The following PLCE1 variants were observed in gnomAD, a reference collection of about 807,000 sequenced individuals.
PLCE1 encodes phospholipase C epsilon 1, also known as 1-phosphatidylinositol 4,5-bisphosphate phosphodiesterase epsilon-1.
A neutral mutation model predicts 242.8 loss-of-function variants in PLCE1; 119 were observed. The observed-to-expected ratio is 0.49, with a 90% CI of 0.42 to 0.57. The LOEUF is 0.57. Among genes scored for constraint, PLCE1 ranks in the 20% least tolerant of loss-of-function variants. The probability of loss-of-function intolerance (pLI) is 0.00; values close to 1 mark genes in which losing one functional copy is unlikely to be tolerated. For missense variants in PLCE1, 2,441 were observed against 2,788.8 expected (o/e 0.88, Z 2.81); for synonymous variants, 945 against 1,017.4 (o/e 0.93, Z 1.35).
intron 2 of PLCE1, among the ~76,000 whole-genome samples, chr10:94,124,560 T>C (rs2046388065): frequency 6.6e-6 from 1 of 152,182 alleles, no homozygotes; most frequent in Non-Finnish European, 1.5e-5. Flanking sequence ...ATTTGCCCAG[T>C]ATCACACAAT....
chr10:94,087,843 C>T (rs113816858), intron 2 of PLCE1, among the ~76,000 whole-genome samples: 8 of 152,222 alleles, frequency 5.3e-5, no homozygotes, highest in African/African-American at 1.9e-4. Flanking sequence ...TTTCATGTGA[C>T]GTTTGATACT....
chr10:94,104,023 G>A (rs1360122430), intron 2 of PLCE1: 2 of 152,180 alleles, frequency 1.3e-5, no homozygotes, highest in African/African-American at 2.4e-5. Context: ...GCTGATCCTT[G>A]TCTTGTCCAA....
intron 4 of PLCE1, among the ~76,000 whole-genome samples, chr10:94,208,043 C>T (rs139861173): frequency 6.6e-5 from 10 of 152,016 alleles, no homozygotes; most frequent in East Asian, 1.9e-4. Context: ...TGACTGATTC[C>T]GGTGGTATTT....
intron 4 of PLCE1, among the ~76,000 whole-genome samples, chr10:94,192,455 G>A (rs946838458): frequency 3.9e-5 from 6 of 152,134 alleles, no homozygotes; most frequent in African/African-American, 9.7e-5. Context: ...TTGGTTTTCT[G>A]TTCCTGCATT....
In PLCE1 at chr10:94,248,296, G is replaced by A. The variant is rs936860439; in HGVS notation, c.3096+1675G>A. The stretch of plus-strand genomic sequence containing the variant: ...GAACAAAGCCAGTTTTAGTTAACTC[G>A]TCTAAAATGGAAAACAAATACCTGA... On this transcript the variant is annotated intron_variant, in intron 8 of 32. Coordinates refer to ENST00000371380, the MANE Select transcript of PLCE1 (RefSeq NM_016341.4). Among the ~76,000 whole-genome samples the A allele has an allele frequency of 5.9e-5, 9 of 152,108 alleles. No individual in the cohort carries two copies. In the South Asian group the frequency reaches 8.3e-4, roughly 14 times the overall value.
chr10:94,262,740 C>A lies in PLCE1; in HGVS notation c.4053+8C>A. 1 of 1,585,532 alleles carries A rather than the reference C, an allele frequency of 6.3e-7. No individual in the cohort carries two copies. The highest frequency in any genetic ancestry group is 1.1e-5 in the South Asian group (1 of 90,512). Reference sequence around the variant, plus strand: ...ATCCTCAGCATCATCCAGGTTTGTGCCTGTTTTGTGTGTGCATGTGTGTGT... The same window carrying A: ...ATCCTCAGCATCATCCAGGTTTGTGACTGTTTTGTGTGTGCATGTGTGTGT... On this transcript the variant is annotated splice_region_variant and intron_variant, in intron 14 of 32. Coordinates refer to ENST00000371380, the MANE Select transcript of PLCE1 (RefSeq NM_016341.4).
intron 1 of PLCE1, among the ~76,000 whole-genome samples, chr10:94,012,253 G>A (rs1028506368): frequency 1.3e-5 from 2 of 151,882 alleles, no homozygotes; most frequent in African/African-American, 4.8e-5. Context: ...TGCAGCACAG[G>A]GAACTCTGGT....
chr10:94,257,819 T>A lies in PLCE1; in HGVS notation c.3555-981T>A, dbSNP rs374001291. On this transcript the variant is annotated intron_variant, in intron 11 of 32. Transcript: ENST00000371380. ...ATAGCATTAGGAGATATACCTAATGTAAAGGACGAGTTAATGGGTGCAGCA... is the reference window on the plus strand; with the variant it reads ...ATAGCATTAGGAGATATACCTAATGAAAAGGACGAGTTAATGGGTGCAGCA... Among the ~76,000 whole-genome samples, 27 of 152,208 alleles carry A rather than the reference T, an allele frequency of 1.8e-4. 1 individual carries two copies. In the East Asian group the frequency reaches 4.1e-3, roughly 23 times the overall value.
intron 2 of PLCE1, among the ~76,000 whole-genome samples, chr10:94,090,756 T>G (rs2045035644): frequency 6.6e-6 from 1 of 152,254 alleles, no homozygotes; most frequent in Non-Finnish European, 1.5e-5. Flanking sequence ...TATGTCGTCC[T>G]GTTTTTCTTT....
chr10:94,119,915 T>C (rs774551174), intron 2 of PLCE1, among the ~76,000 whole-genome samples: 7 of 152,252 alleles, frequency 4.6e-5, no homozygotes, highest in Non-Finnish European at 1.0e-4. Flanking sequence ...TTCTTAGGCA[T>C]AGACGGCTTA....
At chr10:93,996,860 G>A (rs2060834443) in intron 1 of PLCE1, among the ~76,000 whole-genome samples, 1 of 152,172 alleles carries the variant, frequency 6.6e-6, no homozygotes. Context: ...GCAGCTAGTG[G>A]CTACTGTATT....
chr10:94,093,372 A>G (rs1232523989), intron 2 of PLCE1, among the ~76,000 whole-genome samples: 1 of 152,240 alleles, frequency 6.6e-6, no homozygotes, highest in Non-Finnish European at 1.5e-5. Flanking sequence ...GAGAATTACC[A>G]GCCCCTTACA....
chr10:94,180,802 T>C (rs2048287970), intron 4 of PLCE1, among the ~76,000 whole-genome samples: 1 of 152,224 alleles, frequency 6.6e-6, no homozygotes, highest in Non-Finnish European at 1.5e-5. Flanking sequence ...GCATTCAGCT[T>C]ACTTGCCCTT....
At chr10:94,081,446 T>G (rs2044651538) in intron 2 of PLCE1, among the ~76,000 whole-genome samples, 1 of 152,264 alleles carries the variant, frequency 6.6e-6, no homozygotes, top group Non-Finnish European at 1.5e-5. Context: ...CAAAATGTTT[T>G]AAATGTTTTG....
intron 4 of PLCE1, among the ~76,000 whole-genome samples, chr10:94,187,139 AACAT>A (rs1375575219): frequency 7.3e-6 from 1 of 136,140 alleles, no homozygotes; most frequent in Non-Finnish European, 1.5e-5. Context: ...GCCAAGATGA[AACAT>A]ATATGTGTGT....
chr10:94,325,020 CAAGG>C lies in PLCE1; in HGVS notation c.6851_6854del (p.Lys2284ArgfsTer20). ...TCTTGACCTCAGAAAGTATCCAAAC[CAAGG>C]AGGAGAAACCTGTGGGTGGCTTGTC... On this transcript the variant is annotated frameshift_variant, in exon 32 of 33. Transcript: ENST00000371380. LOFTEE classifies it high-confidence loss of function. 3.7e-6 allele frequency: 6 copies of C among 1,614,160 alleles called. No homozygotes were observed. The highest frequency in any genetic ancestry group is 5.1e-6 in the Non-Finnish European group (6 of 1,180,014).
chr10:94,091,267 A>G (rs1267874238), intron 2 of PLCE1, among the ~76,000 whole-genome samples: 4 of 152,192 alleles, frequency 2.6e-5, no homozygotes, highest in Non-Finnish European at 5.9e-5. Flanking sequence ...AAATGGTAAG[A>G]CATGTGCATG....
intron 4 of PLCE1, among the ~76,000 whole-genome samples, chr10:94,206,337 G>A (rs2049156624): frequency 6.6e-6 from 1 of 152,158 alleles, no homozygotes; most frequent in East Asian, 1.9e-4. Flanking sequence ...AAGCTGTGCA[G>A]GACATGAAAG....
intron 2 of PLCE1, among the ~76,000 whole-genome samples, chr10:94,112,991 G>C (rs1197045344): frequency 1.3e-5 from 2 of 152,146 alleles, no homozygotes; most frequent in Non-Finnish European, 2.9e-5. Context: ...GATGAATGCT[G>C]AGTTAAAGAA....
Sources: allele counts gnomAD v4.1 joint callset (sites outside exome capture counted in the v4.1 genomes callset), GRCh38; gene constraint gnomAD v4.1.1; transcripts MANE v1.5; gene names NCBI Gene and HGNC (gene_info 2026-07-23, HGNC 2026-07-21).